Variants in SCHIP1 observed in about 807,000 individuals in gnomAD.
SCHIP1 encodes the protein schwannomin interacting protein 1.
SCHIP1 carries 8 observed loss-of-function variants against 29.7 expected under a neutral mutation model. That is an observed-to-expected ratio of 0.27 (90% CI 0.16 to 0.49). The LOEUF is 0.49. Ranked by LOEUF, SCHIP1 falls within the 20% of genes least tolerant of loss-of-function variation. The pLI, the probability that SCHIP1 is intolerant of heterozygous loss-of-function variation, is 0.99. For missense variants in SCHIP1, 193 were observed against 294.6 expected (o/e 0.66, Z 2.52); for synonymous variants, 76 against 94.9 (o/e 0.80, Z 1.16).
the SCHIP1 span, among the ~76,000 whole-genome samples, chr3:159,825,078 T>G: frequency 6.6e-6 from 1 of 152,204 alleles, no homozygotes; most frequent in Non-Finnish European, 1.5e-5. Context: ...CTTTTTACAC[T>G]TATCAATAGA....
At chr3:159,498,296 T>C in the SCHIP1 span, among the ~76,000 whole-genome samples, 1 of 152,218 alleles carries the variant, frequency 6.6e-6, no homozygotes, top group African/African-American at 2.4e-5. Flanking sequence ...GGAATAATTG[T>C]CTTGTTCAAA....
chr3:159,341,309 C>G, the SCHIP1 span, among the ~76,000 whole-genome samples: 1 of 152,172 alleles, frequency 6.6e-6, no homozygotes, highest in African/African-American at 2.4e-5. Context: ...GTGCCTCTCT[C>G]AACTCCCCTG....
chr3:159,555,808 T>C, the SCHIP1 span, among the ~76,000 whole-genome samples: 1 of 152,208 alleles, frequency 6.6e-6, no homozygotes, highest in Non-Finnish European at 1.5e-5. Flanking sequence ...ATGGTGACTG[T>C]GTTTTCCAAA....
chr3:159,499,636 C>T, the SCHIP1 span, among the ~76,000 whole-genome samples: 15 of 152,244 alleles, frequency 9.9e-5, no homozygotes, highest in Non-Finnish European at 1.8e-4. Flanking sequence ...AGCCCCACCT[C>T]CAGGTGACTT....
the SCHIP1 span, among the ~76,000 whole-genome samples, chr3:159,634,930 G>T: frequency 6.6e-6 from 1 of 152,242 alleles, no homozygotes; most frequent in East Asian, 1.9e-4. Context: ...GGCAAACAAA[G>T]CAACTAAACT....
the SCHIP1 span, among the ~76,000 whole-genome samples, chr3:159,626,243 TCTATCTATATAGATAG>T: frequency 2.2e-3 from 246 of 111,962 alleles, 5 homozygotes; most frequent in African/African-American, 9.9e-3. Context: ...GATATATCTA[TCTATCTATATAGATAG>T]ATAGATAGAT....
chr3:159,514,760 C>T, the SCHIP1 span, among the ~76,000 whole-genome samples: 1 of 152,162 alleles, frequency 6.6e-6, no homozygotes, highest in Non-Finnish European at 1.5e-5. Flanking sequence ...ATATGTTGGG[C>T]CTCTCCCTGA....
the SCHIP1 span, among the ~76,000 whole-genome samples, chr3:159,340,118 C>G: frequency 6.6e-6 from 1 of 152,044 alleles, no homozygotes; most frequent in Admixed American, 6.6e-5. Context: ...CAGACAATGA[C>G]TTTAAGAGGA....
At chr3:159,336,343 T>G in the SCHIP1 span, among the ~76,000 whole-genome samples, 88 of 152,250 alleles carry the variant, frequency 5.8e-4, 3 homozygotes, top group South Asian at 7.1e-3. Context: ...AAGCTCTTTA[T>G]TTTAATTAGA....
At chr3:159,584,623 C>A in the SCHIP1 span, among the ~76,000 whole-genome samples, 4 of 152,086 alleles carry the variant, frequency 2.6e-5, no homozygotes, top group Non-Finnish European at 5.9e-5. Context: ...GCAATACCAT[C>A]AAAACATACG....
chr3:159,507,764 T>A, the SCHIP1 span, among the ~76,000 whole-genome samples: 3 of 152,336 alleles, frequency 2.0e-5, no homozygotes, highest in African/African-American at 7.2e-5. Context: ...TATGCTGGAT[T>A]ACGTTTATTG....
chr3:159,730,058 T>G, the SCHIP1 span, among the ~76,000 whole-genome samples: 2 of 152,244 alleles, frequency 1.3e-5, no homozygotes, highest in African/African-American at 4.8e-5. Context: ...ATAATGTATC[T>G]ATAAATATGT....
At chr3:159,669,424 G>C in the SCHIP1 span, among the ~76,000 whole-genome samples, 2 of 152,218 alleles carry the variant, frequency 1.3e-5, no homozygotes, top group Non-Finnish European at 2.9e-5. Flanking sequence ...AACATCATTA[G>C]ACCCAGTGTC....
At chr3:159,427,628 T>C in the SCHIP1 span, among the ~76,000 whole-genome samples, 1 of 151,128 alleles carries the variant, frequency 6.6e-6, no homozygotes, top group Admixed American at 6.6e-5. Flanking sequence ...CCCAAGGTAA[T>C]TTATAGATTC....
chr3:159,375,662 G>A, the SCHIP1 span: 45 of 239,116 alleles, frequency 1.9e-4, no homozygotes, highest in Admixed American at 2.7e-3. Context: ...GCTTGAACCC[G>A]GGAGGCGGAG....
At chr3:159,626,147 G>T in the SCHIP1 span, among the ~76,000 whole-genome samples, 309 of 82,200 alleles carry the variant, frequency 3.8e-3, 2 homozygotes, top group African/African-American at 0.024. Flanking sequence ...GATATATCTA[G>T]ATATATATAT....
chr3:159,879,029 T>G (rs189815407), intron 2 of SCHIP1, among the ~76,000 whole-genome samples: 1 of 151,570 alleles, frequency 6.6e-6, no homozygotes, highest in East Asian at 1.9e-4. Context: ...TTAGCCTTCT[T>G]TCTTTTACTT....
At chr3:159,450,097 G>C in the SCHIP1 span, among the ~76,000 whole-genome samples, 619 of 152,262 alleles carry the variant, frequency 4.1e-3, 5 homozygotes, top group African/African-American at 0.014. Context: ...CTATCAAAGA[G>C]AGTTCAAGTC....
chr3:159,870,374 C>T (rs1715128166), intron 2 of SCHIP1, among the ~76,000 whole-genome samples: 1 of 151,876 alleles, frequency 6.6e-6, no homozygotes, highest in Admixed American at 6.6e-5. Context: ...TAATGATTCT[C>T]TTTATGAGAT....
Sources: gnomAD v4.1 joint callset for allele counts (sites outside exome capture counted in the v4.1 genomes callset) on GRCh38, gnomAD v4.1.1 for gene constraint, MANE v1.5 for transcripts, NCBI Gene and HGNC (gene_info 2026-07-23, HGNC 2026-07-21) for gene names.